The following SLC44A3 variants were observed in gnomAD, a reference collection of about 807,000 sequenced individuals.
The protein encoded by SLC44A3 is solute carrier family 44 member 3.
A neutral mutation model predicts 75.4 loss-of-function variants in SLC44A3; 74 were observed. The observed-to-expected ratio is 0.98, with a 90% CI of 0.81 to 1.19. The LOEUF (loss-of-function observed/expected upper bound fraction) is 1.19, where lower values mean the gene tolerates loss of function less well. SLC44A3 is among the 50% of genes most tolerant of loss of function. SLC44A3 has a pLI of 0.00. For synonymous variants in SLC44A3, 310 were observed against 296.9 expected, an observed-to-expected ratio of 1.04 and a Z score of -0.45; for missense variants, 700 against 778.6, an observed-to-expected ratio of 0.90 and a Z score of 1.20.
At chr1:94,847,957 A>G (rs995991419) in intron 9 of SLC44A3, among the ~76,000 whole-genome samples, 4 of 152,260 alleles carry the variant, frequency 2.6e-5, no homozygotes, top group Non-Finnish European at 4.4e-5. Context: ...GGCCGGGTGC[A>G]GTGGCTCACG....
chr1:94,886,090 G>A (rs1339266603), intron 12 of SLC44A3, among the ~76,000 whole-genome samples: 1 of 152,206 alleles, frequency 6.6e-6, no homozygotes, highest in African/African-American at 2.4e-5. Context: ...CCTAGCCCCT[G>A]GCTTATGACT....
intron 9 of SLC44A3, among the ~76,000 whole-genome samples, chr1:94,846,570 G>A (rs901448552): frequency 7.2e-5 from 11 of 152,238 alleles, no homozygotes. Flanking sequence ...TGATGCAGTT[G>A]ATCTACATTC....
chr1:94,859,686 G>A (rs1313494971), intron 10 of SLC44A3, among the ~76,000 whole-genome samples: 4 of 152,172 alleles, frequency 2.6e-5, no homozygotes, highest in Admixed American at 6.5e-5. Context: ...CCTGGACTTG[G>A]GGTATCAGGT....
chr1:94,826,664 A>G (rs113292316), intron 3 of SLC44A3, among the ~76,000 whole-genome samples: 4 of 151,578 alleles, frequency 2.6e-5, no homozygotes, highest in African/African-American at 9.7e-5. Context: ...AAAGATTCAG[A>G]TGGTAAATTT....
At chr1:94,839,888 C>T (rs1663349638) in intron 6 of SLC44A3, 60 bp from the exon 7 acceptor site, 5 of 1,234,818 alleles carry the variant, frequency 4.0e-6, no homozygotes, top group Non-Finnish European at 6.0e-6. Flanking sequence ...CGCAGTACTA[C>T]CATCATCTCC....
chr1:94,834,636 C>T (rs1041869093), intron 5 of SLC44A3, among the ~76,000 whole-genome samples: 1 of 152,046 alleles, frequency 6.6e-6, no homozygotes, highest in East Asian at 1.9e-4. Context: ...AGGCACCCAC[C>T]ACGACACCTG....
At chr1:94,888,259 T>C (rs1219760387) in intron 12 of SLC44A3, among the ~76,000 whole-genome samples, 1 of 152,218 alleles carries the variant, frequency 6.6e-6, no homozygotes, top group Admixed American at 6.5e-5. Context: ...TGAAAATTGA[T>C]AGTGTAATGT....
intron 12 of SLC44A3, among the ~76,000 whole-genome samples, chr1:94,889,548 ACACAC>A (rs869226714): frequency 6.2e-5 from 7 of 112,660 alleles, no homozygotes; most frequent in African/African-American, 1.3e-4. Context: ...ACACACACAC[ACACAC>A]ATTTGTAGTC....
rs543649989 is a variant in SLC44A3, at chr1:94,848,090, G to A, written c.1072+2626G>A. On this transcript the variant is annotated intron_variant, in intron 9 of 14. Coordinates refer to ENST00000271227, the MANE Select transcript of SLC44A3 (RefSeq NM_001114106.3). ...AAAAATACAGAAAACTTAGCCGGGC[G>A]TGGTGGCGGGCGCCTATAGTCCCAG... 2.6e-4 allele frequency among the ~76,000 whole-genome samples: 39 copies of A among 152,254 alleles called. 1 individual carries two copies. Among genetic ancestry groups the A allele is most frequent in the Non-Finnish European group, 4.6e-4 (31 of 68,010 alleles).
chr1:94,846,254 C>T (rs777686608), intron 9 of SLC44A3, among the ~76,000 whole-genome samples: 1 of 152,026 alleles, frequency 6.6e-6, no homozygotes, highest in African/African-American at 2.4e-5. Flanking sequence ...CTCCTCCATC[C>T]TTTTTTCATA....
chr1:94,891,308 A>G lies in SLC44A3; in HGVS notation c.1620+41A>G, dbSNP rs192887879. ...TAAATAAAGGAGCCTGGGATTCTGA[A>G]AATTAAGCCATACAACAATTGGTTT... On this transcript the variant is annotated intron_variant, in intron 13 of 14. Coordinates refer to ENST00000271227, the MANE Select transcript of SLC44A3 (RefSeq NM_001114106.3). 3.1e-5 allele frequency: 49 copies of G among 1,559,634 alleles called. No individual in the cohort carries two copies. The Admixed American group carries it at 7.3e-4, about 23-fold the overall frequency.
At chr1:94,852,574 T>C (rs1235288971) in intron 9 of SLC44A3, among the ~76,000 whole-genome samples, 1 of 152,148 alleles carries the variant, frequency 6.6e-6, no homozygotes, top group Non-Finnish European at 1.5e-5. Context: ...TGTAGGAACT[T>C]TGGCTTCTAA....
chr1:94,883,965 G>A (rs1001371119), intron 12 of SLC44A3, among the ~76,000 whole-genome samples: 1 of 152,134 alleles, frequency 6.6e-6, no homozygotes, highest in African/African-American at 2.4e-5. Context: ...GCCAAGCAAT[G>A]TTAGCAGTGG....
At chr1:94,827,267 G>A (rs1661498341) in intron 3 of SLC44A3, among the ~76,000 whole-genome samples, 1 of 152,160 alleles carries the variant, frequency 6.6e-6, no homozygotes, top group African/African-American at 2.4e-5. Context: ...CTATCCCCTA[G>A]ACAACACTAA....
chr1:94,841,964 G>C (rs200326649), intron 7 of SLC44A3, 36 bp from the exon 8 acceptor site: 2 of 1,579,896 alleles, frequency 1.3e-6, no homozygotes, highest in Non-Finnish European at 1.7e-6. Context: ...ACCTCATGGC[G>C]TGTGCCCTGA....
intron 6 of SLC44A3, among the ~76,000 whole-genome samples, chr1:94,839,736 C>T (rs1316388293): frequency 6.6e-6 from 1 of 152,140 alleles, no homozygotes; most frequent in African/African-American, 2.4e-5. Context: ...CAGAGACAGG[C>T]TTACCACACT....
chr1:94,867,068 G>T (rs3849306), intron 11 of SLC44A3, among the ~76,000 whole-genome samples: 25,059 of 151,840 alleles, frequency 0.17, 2,132 homozygotes, highest in East Asian at 0.21. Context: ...GAACCAGAAG[G>T]CCTGCTTTTG....
chr1:94,875,521 CCT>C (rs66604417), intron 12 of SLC44A3, among the ~76,000 whole-genome samples: 26,307 of 151,962 alleles, frequency 0.17, 2,502 homozygotes, highest in Admixed American at 0.25. Context: ...TTCTGAGCCT[CCT>C]GGAGGACAGA....
intron 6 of SLC44A3, among the ~76,000 whole-genome samples, chr1:94,839,402 TA>T (rs1226617739): frequency 6.6e-6 from 1 of 152,182 alleles, no homozygotes; most frequent in African/African-American, 2.4e-5. Flanking sequence ...TCTTTTTTTT[TA>T]TTGAGACAGA....
Sources: gnomAD v4.1 joint callset for allele counts (sites outside exome capture counted in the v4.1 genomes callset) on GRCh38, gnomAD v4.1.1 for gene constraint, MANE v1.5 for transcripts, NCBI Gene and HGNC (gene_info 2026-07-23, HGNC 2026-07-21) for gene names.